The following GNG7 variants were observed in gnomAD, a reference collection of about 807,000 sequenced individuals.
GNG7 encodes the protein guanine nucleotide-binding protein G(I)/G(S)/G(O) subunit gamma-7.
Under a neutral mutation model 4.0 loss-of-function variants are expected in GNG7, and 1 was observed. The ratio of observed to expected loss-of-function variants is 0.25; its 90% CI spans 0.09 to 1.18. The LOEUF (loss-of-function observed/expected upper bound fraction) is 1.18, where lower values mean the gene tolerates loss of function less well. GNG7 is among the 50% of genes most tolerant of loss of function. The probability of loss-of-function intolerance (pLI) is 0.50; values close to 1 mark genes in which losing one functional copy is unlikely to be tolerated. For synonymous variants in GNG7, 34 were observed against 36.9 expected (o/e 0.92, Z 0.29); for missense variants, 86 against 91.9 (o/e 0.94, Z 0.26).
intron 2 of GNG7, chr19:2,642,050 T>C (rs564239016): frequency 1.9e-5 from 3 of 154,540 alleles, no homozygotes; most frequent in Non-Finnish European, 2.9e-5. Context: ...TTGTTACGTC[T>C]GGGGCAGGAG....
chr19:2,550,239 A>T (rs1314604647), intron 3 of GNG7, among the ~76,000 whole-genome samples: 1 of 152,050 alleles, frequency 6.6e-6, no homozygotes, highest in African/African-American at 2.4e-5. Flanking sequence ...TTATTTTGAG[A>T]CGGAGTCTTG....
chr19:2,551,574 A>T, intron 3 of GNG7, among the ~76,000 whole-genome samples: 1 of 78,486 alleles, frequency 1.3e-5, no homozygotes, highest in African/African-American at 6.4e-5. Context: ...TCTATTATCT[A>T]TAATATATAA....
chr19:2,555,688 G>C (rs1979519601), intron 2 of GNG7, among the ~76,000 whole-genome samples: 1 of 152,198 alleles, frequency 6.6e-6, no homozygotes, highest in South Asian at 2.1e-4. Flanking sequence ...AGGTATACGG[G>C]GGGCAGGAAG....
chr19:2,559,018 C>T (rs1247616511), intron 2 of GNG7, among the ~76,000 whole-genome samples: 1 of 151,802 alleles, frequency 6.6e-6, no homozygotes, highest in South Asian at 2.1e-4. Context: ...AGGCTGGTCT[C>T]AAACTCCTGA....
intron 2 of GNG7, among the ~76,000 whole-genome samples, chr19:2,561,102 C>G (rs572852773): frequency 1.4e-4 from 21 of 152,270 alleles, no homozygotes; most frequent in South Asian, 1.0e-3. Context: ...CTCCCTCCCC[C>G]ATTCAAGGTG....
chr19:2,521,091 TAAAA>T (rs5826770), intron 3 of GNG7, among the ~76,000 whole-genome samples: 5 of 141,542 alleles, frequency 3.5e-5, no homozygotes, highest in African/African-American at 5.2e-5. Context: ...TCATCGTTAC[TAAAA>T]AAAAAAAAAA....
rs146076418 is a variant in GNG7, at chr19:2,527,192, A to G, written c.-37-6467T>C. Among the ~76,000 whole-genome samples the G allele has an allele frequency of 3.8e-4, 58 of 152,260 alleles. No homozygotes were observed. The East Asian group carries it at 0.011, about 28-fold the overall frequency. ...ACAATTATGGACTCAGGCAGTTGCA[A>G]ACATAGTCCAGGGAGCCCCACGCAC... On this transcript the variant is annotated intron_variant, in intron 3 of 4. Transcript: ENST00000382159.
chr19:2,546,898 G>A lies in GNG7; in HGVS notation c.-38+8251C>T, dbSNP rs1344483980. Among the ~76,000 whole-genome samples, 5 of 152,168 alleles carry A rather than the reference G, an allele frequency of 3.3e-5. No homozygotes were observed. Among genetic ancestry groups the A allele is most frequent in the Non-Finnish European group, 7.4e-5 (5 of 68,006 alleles). ...GAACCCCGTGGCTCCTGTCACTCCAGTTCTGGGCTTCCCGGCTGAGGAAAT... is the reference window on the plus strand; with the variant it reads ...GAACCCCGTGGCTCCTGTCACTCCAATTCTGGGCTTCCCGGCTGAGGAAAT... On this transcript the variant is annotated intron_variant, in intron 3 of 4. Coordinates refer to ENST00000382159, the MANE Select transcript of GNG7 (RefSeq NM_052847.3). This position sits in a 1 kb window ranked among gnomAD's most constrained non-coding sequence, Gnocchi z 6.3.
chr19:2,690,477 C>T lies in GNG7; in HGVS notation c.-135+12169G>A, dbSNP rs181271698. Among the ~76,000 whole-genome samples the T allele has an allele frequency of 1.5e-3, 222 of 152,306 alleles. 1 individual carries two copies. The highest frequency in any genetic ancestry group is 2.4e-3 in the Admixed American group (36 of 15,286). The stretch of plus-strand genomic sequence containing the variant: ...CTGTGGGCCAGAGGTGGCCCAAGGG[C>T]GGTGGTTACTGACTCCTGGACTGGA... On this transcript the variant is annotated intron_variant, in intron 1 of 4. Transcript: ENST00000382159.
At chr19:2,613,560 T>C (rs1981633996) in intron 2 of GNG7, among the ~76,000 whole-genome samples, 1 of 152,222 alleles carries the variant, frequency 6.6e-6, no homozygotes, top group Non-Finnish European at 1.5e-5. Flanking sequence ...GTGTGCAGCC[T>C]CCTGGGACCT....
chr19:2,670,166 G>A (rs960864577), intron 1 of GNG7, among the ~76,000 whole-genome samples: 2 of 152,080 alleles, frequency 1.3e-5, no homozygotes, highest in African/African-American at 4.8e-5. Context: ...TATTTTGTTG[G>A]AGGAACAAAA....
chr19:2,559,600 C>T (rs879377846), intron 2 of GNG7, among the ~76,000 whole-genome samples: 3 of 151,850 alleles, frequency 2.0e-5, no homozygotes, highest in Non-Finnish European at 2.9e-5. Flanking sequence ...CTGCAACCTC[C>T]GCCTCCTGGG....
chr19:2,575,722 G>A (rs1375813200), intron 2 of GNG7, among the ~76,000 whole-genome samples: 1 of 59,658 alleles, frequency 1.7e-5, no homozygotes, highest in African/African-American at 1.3e-4. Context: ...GGCACACGCA[G>A]ACACGCAGGC....
chr19:2,634,004 A>G lies in GNG7; in HGVS notation c.-78+12220T>C, dbSNP rs981318952. Among the ~76,000 whole-genome samples, 1 of 151,332 alleles carries G rather than the reference A, an allele frequency of 6.6e-6. No individual in the cohort carries two copies. Among genetic ancestry groups the G allele is most frequent in the African/African-American group, 2.4e-5 (1 of 41,142 alleles). ...AGGGGATTCCACGGACCCCCAAGAG[A>G]CTCCGCGTCCCATGATCCTCTGCCC... On this transcript the variant is annotated intron_variant, in intron 2 of 4. Transcript: ENST00000382159. This position sits in a 1 kb window ranked among gnomAD's most constrained non-coding sequence, Gnocchi z 5.3.
At chr19:2,636,455 G>A (rs1982310315) in intron 2 of GNG7, among the ~76,000 whole-genome samples, 1 of 152,154 alleles carries the variant, frequency 6.6e-6, no homozygotes, top group Non-Finnish European at 1.5e-5. Flanking sequence ...GGACAAGCCA[G>A]GGTCTGATTC....
chr19:2,588,884 G>A (rs999449761), intron 2 of GNG7, among the ~76,000 whole-genome samples: 1 of 152,142 alleles, frequency 6.6e-6, no homozygotes, highest in Non-Finnish European at 1.5e-5. Flanking sequence ...GCTCAGGTGT[G>A]ACATCAGCCG....
chr19:2,649,262 T>G (rs1982746042), intron 1 of GNG7, among the ~76,000 whole-genome samples: 1 of 151,956 alleles, frequency 6.6e-6, no homozygotes, highest in South Asian at 2.1e-4. Flanking sequence ...TGAATGAATT[T>G]GAAGTGGTCT....
chr19:2,556,777 C>G (rs1979557361), intron 2 of GNG7, among the ~76,000 whole-genome samples: 1 of 152,196 alleles, frequency 6.6e-6, no homozygotes, highest in Non-Finnish European at 1.5e-5. Context: ...CCCAGCAATA[C>G]GGACACCAGC....
At chr19:2,694,617 A>AG (rs1913202674) in intron 1 of GNG7, among the ~76,000 whole-genome samples, 2 of 152,086 alleles carry the variant, frequency 1.3e-5, no homozygotes, top group Admixed American at 6.5e-5. Context: ...AGTGTAAATC[A>AG]GGGGGACCCC....
Sources: allele counts gnomAD v4.1 joint callset (sites outside exome capture counted in the v4.1 genomes callset), GRCh38; gene constraint gnomAD v4.1.1; non-coding constraint Gnocchi (gnomAD v3.1); transcripts MANE v1.5; gene names NCBI Gene and HGNC (gene_info 2026-07-23, HGNC 2026-07-21).